KLF11: variants seen among roughly 807,000 people sequenced by gnomAD.
The protein encoded by KLF11 is Krueppel-like factor 11.
Under a neutral mutation model 29.9 loss-of-function variants are expected in KLF11, and 26 were observed. That is an observed-to-expected ratio of 0.87 (90% CI 0.64 to 1.21). KLF11 has a LOEUF of 1.21. Ranked by LOEUF, KLF11 falls within the 50% of genes most tolerant of loss-of-function variation. The pLI is 0.00. For synonymous variants in KLF11, 318 were observed against 257.4 expected, an observed-to-expected ratio of 1.24 and a Z score of -2.25; for missense variants, 778 against 665.7, an observed-to-expected ratio of 1.17 and a Z score of -1.86.
Position 10,052,823 on chromosome 2 carries a change from A to G in KLF11, c.*316A>G. On this transcript the variant is annotated 3_prime_UTR_variant, in exon 4 of 4. Coordinates refer to ENST00000305883, the MANE Select transcript of KLF11 (RefSeq NM_003597.5). The stretch of plus-strand genomic sequence containing the variant: ...AAGTTTACAAAATCTGGATTTTTAC[A>G]ACCTTTTCTATTGATGTTTTGTAGA... 2.5e-6 allele frequency: 1 copy of G among 402,322 alleles called. No individual in the cohort carries two copies. 24.9% of individuals were successfully genotyped at this position (402,322 alleles called of 1,614,324 possible).
chr2:10,051,567 G>A (rs894762188), intron 3 of KLF11, among the ~76,000 whole-genome samples: 2 of 150,418 alleles, frequency 1.3e-5, no homozygotes, highest in African/African-American at 4.9e-5. Context: ...GCCCAGGCTG[G>A]AGTGCAGTGG....
chr2:10,043,925 GCGGCCGCGA>G (rs757011318), intron 1 of KLF11, 167 bp downstream of exon 1: 159 of 1,013,740 alleles, frequency 1.6e-4, no homozygotes, highest in Non-Finnish European at 1.8e-4. Flanking sequence ...GGGCGGGGCG[GCGGCCGCGA>G]CGGGCGCGCC....
chr2:10,043,936 G>C, intron 1 of KLF11, 178 bp downstream of exon 1: 1 of 1,002,446 alleles, frequency 1.0e-6, no homozygotes, highest in African/African-American at 1.7e-5. Flanking sequence ...CGGCCGCGAC[G>C]GGCGCGCCCG....
chr2:10,043,943 C>T, intron 1 of KLF11, 185 bp downstream of exon 1: 2 of 992,892 alleles, frequency 2.0e-6, no homozygotes, highest in Non-Finnish European at 2.4e-6. Context: ...GACGGGCGCG[C>T]CCGGGTCGGC....
At chr2:10,048,944 A>G (rs1661322260) in intron 3 of KLF11, among the ~76,000 whole-genome samples, 1 of 132,544 alleles carries the variant, frequency 7.5e-6, no homozygotes. Flanking sequence ...GAAAACATGC[A>G]TTCATTCACA....
intron 3 of KLF11, 70 bp from the exon 4 acceptor site, chr2:10,052,157 A>T: frequency 6.9e-7 from 1 of 1,449,496 alleles, no homozygotes; most frequent in Non-Finnish European, 9.7e-7. Flanking sequence ...TTAAAATGAC[A>T]TGAATTAACC....
At chr2:10,051,733 G>A (rs567679011) in intron 3 of KLF11, among the ~76,000 whole-genome samples, 75 of 144,032 alleles carry the variant, frequency 5.2e-4, no homozygotes, top group East Asian at 1.1e-3. Context: ...TAGCCAGGAT[G>A]GTCTCGGTCT....
chr2:10,048,931 A>G (rs1451934729), intron 3 of KLF11, among the ~76,000 whole-genome samples: 1 of 127,764 alleles, frequency 7.8e-6, no homozygotes, highest in Non-Finnish European at 1.7e-5. Flanking sequence ...TTTTTTTTTT[A>G]AAGAAAACAT....
intron 1 of KLF11, among the ~76,000 whole-genome samples, chr2:10,044,963 TG>T (rs1483782338): frequency 1.3e-5 from 2 of 152,080 alleles, no homozygotes; most frequent in Non-Finnish European, 1.5e-5. Flanking sequence ...TTGACCAACA[TG>T]GGGAAAACCG....
At chr2:10,051,571 G>GC in intron 3 of KLF11, among the ~76,000 whole-genome samples, 1 of 151,696 alleles carries the variant, frequency 6.6e-6, no homozygotes, top group South Asian at 2.1e-4. Context: ...AGGCTGGAGT[G>GC]CAGTGGTGCA....
rs750327369 is a variant in KLF11, at chr2:10,046,257, T to A, written c.150T>A (p.Ala50=). Residue 50 remains alanine, a synonymous_variant, in exon 2 of 4, where the codon GCT becomes GCA. Coordinates refer to ENST00000305883, the MANE Select transcript of KLF11 (RefSeq NM_003597.5). ...AGACAGACATGGAAGCTGTCGAGGCTCTTGTTTGTATGAGCTCCTGGGGTC... is the reference window on the plus strand; with the variant it reads ...AGACAGACATGGAAGCTGTCGAGGCACTTGTTTGTATGAGCTCCTGGGGTC... ...LEQTDMEAVE[A]LVCMSSWGQR... 1.2e-6 allele frequency: 2 copies of A among 1,614,018 alleles called. No individual in the cohort carries two copies. Among genetic ancestry groups the A allele is most frequent in the Non-Finnish European group, 1.7e-6 (2 of 1,180,034 alleles).
Position 10,052,876 on chromosome 2 carries a change from T to C in KLF11, c.*369T>C, listed in dbSNP as rs750796626. 45 of 323,086 alleles carry C rather than the reference T, an allele frequency of 1.4e-4. 1 individual carries two copies. Among genetic ancestry groups the C allele is most frequent in the Non-Finnish European group, 2.1e-4 (37 of 178,280 alleles). The allele number at this position is 323,086 out of a possible 1,614,324, so 20.0% of individuals were successfully genotyped here. A position where few individuals can be genotyped will look rare whatever the true frequency, so the allele number is the denominator to read the frequency against. Reference sequence around the variant, plus strand: ...TAAGACAGGGTACTAATTTTTATACTGGTTTTTAGAAAAATATTTATATTG... The same window carrying C: ...TAAGACAGGGTACTAATTTTTATACCGGTTTTTAGAAAAATATTTATATTG... On this transcript the variant is annotated 3_prime_UTR_variant, in exon 4 of 4. Coordinates refer to ENST00000305883, the MANE Select transcript of KLF11 (RefSeq NM_003597.5).
In KLF11 at chr2:10,053,610, C is replaced by T. The variant is rs1051965066; in HGVS notation, c.*1103C>T. 1.8e-5 allele frequency: 7 copies of T among 394,612 alleles called. No individual in the cohort carries two copies. The highest frequency in any genetic ancestry group is 1.4e-4 in the East Asian group (4 of 27,900). The allele number at this position is 394,612 out of a possible 1,614,324, so 24.4% of individuals were successfully genotyped here. ...TAGAAACACAAGGAAATGCAAGTTA[C>T]GCTAAATGGCAGTAATACTACCCAA... On this transcript the variant is annotated 3_prime_UTR_variant, in exon 4 of 4. Coordinates refer to ENST00000305883, the MANE Select transcript of KLF11 (RefSeq NM_003597.5).
intron 1 of KLF11, chr2:10,044,287 T>C: frequency 1.1e-5 from 11 of 982,466 alleles, no homozygotes; most frequent in Non-Finnish European, 1.2e-5. Flanking sequence ...CGCACTGCCT[T>C]GGAGGCGGGG....
chr2:10,045,342 C>T (rs376362519), intron 1 of KLF11, among the ~76,000 whole-genome samples: 10 of 152,174 alleles, frequency 6.6e-5, no homozygotes, highest in Admixed American at 3.9e-4. Flanking sequence ...ATCGCTTGAA[C>T]CCGGGAGGTC....
chr2:10,052,112 G>A lies in KLF11; in HGVS notation c.1259-115G>A. On this transcript the variant is annotated intron_variant, in intron 3 of 3. Transcript: ENST00000305883. The stretch of plus-strand genomic sequence containing the variant: ...AAATCATCCAATTCCAGAGTAATAA[G>A]ATACCACTTTCTTCTGAGTTTGATG... 6 of 1,096,016 alleles carry A rather than the reference G, an allele frequency of 5.5e-6. No individual in the cohort carries two copies. In the Admixed American group the frequency reaches 6.8e-5, roughly 12 times the overall value. The allele number at this position is 1,096,016 out of a possible 1,614,324, so 67.9% of individuals were successfully genotyped here. A position where few individuals can be genotyped will look rare whatever the true frequency, so the allele number is the denominator to read the frequency against.
rs1344660121 is a variant in KLF11 at position 10,054,402 on chromosome 2, T to A, written c.*1895T>A. 6.6e-6 allele frequency: 1 copy of A among 152,462 alleles called. No individual in the cohort carries two copies. Among genetic ancestry groups the A allele is most frequent in the Admixed American group, 6.5e-5 (1 of 15,286 alleles). The allele number at this position is 152,462 out of a possible 1,614,324, so 9.4% of individuals were successfully genotyped here. A position where few individuals can be genotyped will look rare whatever the true frequency, so the allele number is the denominator to read the frequency against. ...TGTCACAACATTCTCCAAGCAGTGA[T>A]ATTTCTAAAGAGGAGATACATGTTG... On this transcript the variant is annotated 3_prime_UTR_variant, in exon 4 of 4. Coordinates refer to ENST00000305883, the MANE Select transcript of KLF11 (RefSeq NM_003597.5).
At chr2:10,052,192 C>G in intron 3 of KLF11, 35 bp from the exon 4 acceptor site, 1 of 1,608,602 alleles carries the variant, frequency 6.2e-7, no homozygotes, top group Non-Finnish European at 8.5e-7. Context: ...CTTAGCGTTT[C>G]CTTTCTCTTT....
chr2:10,052,275 C>T lies in KLF11; in HGVS notation c.1307C>T (p.Ala436Val). Residue 436 changes from alanine (A) to valine (V), a missense_variant, in exon 4 of 4, where the codon GCT becomes GTT. Coordinates refer to ENST00000305883, the MANE Select transcript of KLF11 (RefSeq NM_003597.5). ...TGGGATGGCTGTGATAAAAAGTTTGCTCGTTCGGATGAGCTGTCACGCCAC... is the reference window on the plus strand; with the variant it reads ...TGGGATGGCTGTGATAAAAAGTTTGTTCGTTCGGATGAGCTGTCACGCCAC... Reference protein sequence around the residue: ...CSWDGCDKKFARSDELSRHRR... With the variant: ...CSWDGCDKKFVRSDELSRHRR... 1 of 1,614,138 alleles carries T rather than the reference C, an allele frequency of 6.2e-7. No individual in the cohort carries two copies. The highest frequency in any genetic ancestry group is 8.5e-7 in the Non-Finnish European group (1 of 1,180,018).
Sources: gnomAD v4.1 joint callset for allele counts (sites outside exome capture counted in the v4.1 genomes callset) on GRCh38, gnomAD v4.1.1 for gene constraint, MANE v1.5 for transcripts, NCBI Gene and HGNC (gene_info 2026-07-23, HGNC 2026-07-21) for gene names.